The following GPM6A variants were observed in gnomAD, a reference collection of about 807,000 sequenced individuals.
GPM6A encodes the protein glycoprotein M6A.
Under a neutral mutation model 32.1 loss-of-function variants are expected in GPM6A, and 7 were observed. The ratio of observed to expected loss-of-function variants is 0.22; its 90% CI spans 0.12 to 0.41. GPM6A has a LOEUF of 0.41. Among genes scored for constraint, GPM6A ranks in the 10% least tolerant of loss-of-function variants. The pLI, the probability that GPM6A is intolerant of heterozygous loss-of-function variation, is 1.00. For missense variants in GPM6A, 235 were observed against 347.2 expected, an observed-to-expected ratio of 0.68 and a Z score of 2.57; for synonymous variants, 130 against 123.4, an observed-to-expected ratio of 1.05 and a Z score of -0.35.
At chr4:175,796,831 T>A (rs905678845) in intron 1 of GPM6A, among the ~76,000 whole-genome samples, 29 of 152,310 alleles carry the variant, frequency 1.9e-4, no homozygotes, top group Admixed American at 3.9e-4. Flanking sequence ...GAAGACTGCC[T>A]TTCTCTCAGT....
At chr4:175,932,610 T>C (rs956565501) in intron 1 of GPM6A, among the ~76,000 whole-genome samples, 2 of 152,204 alleles carry the variant, frequency 1.3e-5, no homozygotes, top group African/African-American at 4.8e-5. Flanking sequence ...TAATTGGTGG[T>C]TTAAAACAAA....
At chr4:175,780,487 A>G (rs1733576407) in intron 1 of GPM6A, among the ~76,000 whole-genome samples, 1 of 152,202 alleles carries the variant, frequency 6.6e-6, no homozygotes, top group South Asian at 2.1e-4. Flanking sequence ...CACTCAATAA[A>G]TATCTGTGGA....
intron 2 of GPM6A, among the ~76,000 whole-genome samples, chr4:175,689,206 T>C (rs990466519): frequency 6.6e-6 from 1 of 152,192 alleles, no homozygotes; most frequent in African/African-American, 2.4e-5. Context: ...CCTTTGTGAT[T>C]CCATAAGAAT....
rs542274666 is a variant in GPM6A, at chr4:175,871,401, C to A, written c.-22-59152G>T. ...AGGAGAATCACTTGAACCCAGGAAG[C>A]GGAGGTTGCAGTGATCCGAGATTGC... On this transcript the variant is annotated intron_variant, in intron 1 of 7. Transcript: ENST00000280187. 2.6e-5 allele frequency among the ~76,000 whole-genome samples: 4 copies of A among 152,050 alleles called. No individual in the cohort carries two copies. The South Asian group carries it at 8.3e-4, about 32-fold the overall frequency.
chr4:175,899,542 G>C (rs1480055981), intron 1 of GPM6A, among the ~76,000 whole-genome samples: 1 of 152,126 alleles, frequency 6.6e-6, no homozygotes, highest in Non-Finnish European at 1.5e-5. Context: ...CAATGGAACA[G>C]AGTAAAGAAC....
intron 4 of GPM6A, among the ~76,000 whole-genome samples, chr4:175,648,026 TA>T (rs896623829): frequency 1.3e-5 from 2 of 152,188 alleles, no homozygotes; most frequent in African/African-American, 4.8e-5. Flanking sequence ...AAATATGTTG[TA>T]AACATTGGTA....
intron 1 of GPM6A, chr4:175,970,949 G>C: frequency 2.2e-6 from 1 of 453,874 alleles, no homozygotes; most frequent in Non-Finnish European, 4.4e-6. Context: ...TACAGAGATG[G>C]ACGCCAGAGC....
At chr4:175,720,645 A>G (rs923030814) in intron 1 of GPM6A, among the ~76,000 whole-genome samples, 6 of 152,106 alleles carry the variant, frequency 3.9e-5, no homozygotes, top group East Asian at 1.9e-4. Flanking sequence ...AAGAACCCCA[A>G]TGACTGATCT....
chr4:175,795,976 A>G (rs1258337922), intron 1 of GPM6A: 2 of 152,258 alleles, frequency 1.3e-5, no homozygotes, highest in Admixed American at 6.6e-5. Flanking sequence ...GAACCTTCAT[A>G]TGAGACTGCA....
intron 1 of GPM6A, among the ~76,000 whole-genome samples, chr4:175,974,875 G>T (rs1314209031): frequency 1.3e-5 from 2 of 152,012 alleles, no homozygotes; most frequent in East Asian, 3.9e-4. Flanking sequence ...TAGAGACAGG[G>T]GTCTCCCTAT....
intron 3 of GPM6A, among the ~76,000 whole-genome samples, chr4:175,664,994 A>G (rs1742655606): frequency 6.6e-6 from 1 of 152,202 alleles, no homozygotes; most frequent in Non-Finnish European, 1.5e-5. Context: ...CTGTAACAGG[A>G]TGGTAAGTAT....
At chr4:175,909,769 A>G (rs1370427548) in intron 1 of GPM6A, among the ~76,000 whole-genome samples, 1 of 152,224 alleles carries the variant, frequency 6.6e-6, no homozygotes, top group Non-Finnish European at 1.5e-5. Context: ...TGCATAGGGC[A>G]AACAGAGAGA....
At chr4:175,976,692 A>C (rs1366271298) in intron 1 of GPM6A, among the ~76,000 whole-genome samples, 5 of 152,156 alleles carry the variant, frequency 3.3e-5, no homozygotes, top group African/African-American at 1.2e-4. Context: ...ACTAATAGAA[A>C]GCTCCATTGG....
chr4:175,704,989 T>G (rs1254961121), intron 1 of GPM6A, among the ~76,000 whole-genome samples: 1 of 152,192 alleles, frequency 6.6e-6, no homozygotes. Flanking sequence ...CTGATTAATT[T>G]AAGTATTAAT....
chr4:175,796,653 T>G (rs1227039865), intron 1 of GPM6A, among the ~76,000 whole-genome samples: 1 of 152,236 alleles, frequency 6.6e-6, no homozygotes, highest in Non-Finnish European at 1.5e-5. Flanking sequence ...TTGATTGCAT[T>G]CACAATACTT....
rs1560841877 is a variant in GPM6A at position 175,637,274 on chromosome 4, T to TAATATATAATATATAA, written c.685-2218_685-2217insTTATATATTATATATT. On this transcript the variant is annotated intron_variant, in intron 6 of 6. Coordinates refer to ENST00000393658, the MANE Select transcript of GPM6A (RefSeq NM_201591.3). ...TATAATATAAAATATATATTATATA[T>TAATATATAATATATAA]TATATATTATATAAAATATATATTA... is the stretch of plus-strand genomic sequence containing the variant. 3.9e-4 allele frequency among the ~76,000 whole-genome samples: 27 copies of TAATATATAATATATAA among 69,640 alleles called. 1 individual carries two copies. Among genetic ancestry groups the TAATATATAATATATAA allele is most frequent in the African/African-American group, 1.1e-3 (23 of 20,014 alleles). The allele number at this position is 69,640 out of a possible 152,430, so 45.7% of individuals were successfully genotyped here. A position where few individuals can be genotyped will look rare whatever the true frequency, so the allele number is the denominator to read the frequency against.
chr4:175,760,423 A>G, intron 1 of GPM6A, among the ~76,000 whole-genome samples: 1 of 152,262 alleles, frequency 6.6e-6, no homozygotes, highest in East Asian at 1.9e-4. Flanking sequence ...AGAAAAGATG[A>G]GGAGACAAGC....
intron 3 of GPM6A, among the ~76,000 whole-genome samples, chr4:175,660,762 T>C (rs1277596113): frequency 6.6e-6 from 1 of 152,100 alleles, no homozygotes; most frequent in African/African-American, 2.4e-5. Context: ...AAAATTAGAA[T>C]GAAGAAGCAA....
Position 175,634,412 on chromosome 4 carries a change from ATT to A in GPM6A, c.*491_*492del. The A allele has an allele frequency of 6.6e-6, 1 of 152,640 alleles. No homozygotes were observed. Among genetic ancestry groups the A allele is most frequent in the East Asian group, 1.9e-4 (1 of 5,188 alleles). The allele number at this position is 152,640 out of a possible 1,614,324, so 9.5% of individuals were successfully genotyped here. ...ACTGATCTTCAGACAAAATTTCCAT[ATT>A]TCAAGAGTCATCAAGATGTAATCTC... is the stretch of plus-strand genomic sequence containing the variant. On this transcript the variant is annotated 3_prime_UTR_variant, in exon 7 of 7. Coordinates refer to ENST00000393658, the MANE Select transcript of GPM6A (RefSeq NM_201591.3).
Sources: gnomAD v4.1 joint callset for allele counts (sites outside exome capture counted in the v4.1 genomes callset) on GRCh38, gnomAD v4.1.1 for gene constraint, MANE v1.5 for transcripts, NCBI Gene and HGNC (gene_info 2026-07-23, HGNC 2026-07-21) for gene names.